GLT8D2: variants seen among roughly 807,000 people sequenced by gnomAD.
GLT8D2 encodes the protein glycosyltransferase 8 domain containing 2, also known as glycosyltransferase 8 domain-containing protein 2.
GLT8D2 carries 45 observed loss-of-function variants against 44.5 expected under a neutral mutation model. The observed-to-expected ratio is 1.01, with a 90% CI of 0.80 to 1.30. The LOEUF is 1.30. Among genes scored for constraint, GLT8D2 ranks in the 50% most tolerant of loss-of-function variants. The pLI is 0.00. For missense variants in GLT8D2, 400 were observed against 430.4 expected (o/e 0.93, Z 0.62); for synonymous variants, 156 against 157.2 (o/e 0.99, Z 0.06).
chr12:104,026,896 C>T (rs145544100), intron 1 of GLT8D2, among the ~76,000 whole-genome samples: 23 of 152,274 alleles, frequency 1.5e-4, no homozygotes, highest in South Asian at 4.1e-4. Context: ...TGACATTTGA[C>T]GGGAGGCTGC....
chr12:104,022,486 G>A (rs944531269), intron 1 of GLT8D2, among the ~76,000 whole-genome samples: 1 of 152,086 alleles, frequency 6.6e-6, no homozygotes, highest in African/African-American at 2.4e-5. Context: ...TCTCTGTGTT[G>A]AAGATTACAG....
chr12:104,035,712 C>T lies in GLT8D2; in HGVS notation c.-164+14183G>A, dbSNP rs945389198. ...ATTTGATTGGTGTACCTGAAAGTGA[C>T]GGGGAGAATAGAATCAAGTTGGAAA... On this transcript the variant is annotated intron_variant, in intron 1 of 10. Coordinates refer to ENST00000360814, the MANE Select transcript of GLT8D2 (RefSeq NM_001384711.1). 4.6e-4 allele frequency among the ~76,000 whole-genome samples: 70 copies of T among 152,212 alleles called. 3 individuals are homozygous for T. Among genetic ancestry groups the T allele is most frequent in the Non-Finnish European group, 8.8e-5 (6 of 68,020 alleles).
At chr12:104,030,385 T>A (rs1879102518) in intron 1 of GLT8D2, among the ~76,000 whole-genome samples, 1 of 151,838 alleles carries the variant, frequency 6.6e-6, no homozygotes, top group Admixed American at 6.6e-5. Flanking sequence ...TTTTTATTAT[T>A]TATTAATTTA....
At position 103,996,753 on chromosome 12, in the gene GLT8D2, G is replaced by GT; in HGVS notation, c.581dup (p.Asn194LysfsTer68). On this transcript the variant is annotated frameshift_variant, in exon 8 of 11. Transcript: ENST00000360814. LOFTEE classifies it high-confidence loss of function. ...TGCCCACCTGAAGTCCCACGAGTCTGTTTATGTCCTGAGCAGAGGGCAAAT... is the reference window on the plus strand; with the variant it reads ...TGCCCACCTGAAGTCCCACGAGTCTGTTTTATGTCCTGAGCAGAGGGCAAAT... 1.9e-6 allele frequency: 3 copies of GT among 1,613,696 alleles called. No homozygotes were observed. The highest frequency in any genetic ancestry group is 2.2e-5 in the South Asian group (2 of 91,056).
intron 1 of GLT8D2, among the ~76,000 whole-genome samples, chr12:104,062,905 A>G (rs1205509709): frequency 6.6e-6 from 1 of 152,186 alleles, no homozygotes; most frequent in Non-Finnish European, 1.5e-5. Flanking sequence ...CGGAACCCCC[A>G]TGACCTTCCT....
At chr12:104,062,291 T>C (rs1432278751) in intron 1 of GLT8D2, among the ~76,000 whole-genome samples, 1 of 152,122 alleles carries the variant, frequency 6.6e-6, no homozygotes, top group East Asian at 1.9e-4. Context: ...CAGGCTGGTC[T>C]CGAACTCCTG....
At position 103,989,582 on chromosome 12, in the gene GLT8D2, A is replaced by G. The variant is rs750464748; in HGVS notation, c.881-5T>C. 8 of 1,607,446 alleles carry G rather than the reference A, an allele frequency of 5.0e-6. No individual in the cohort carries two copies. Among genetic ancestry groups the G allele is most frequent in the Non-Finnish European group, 6.8e-6 (8 of 1,177,062 alleles). The stretch of plus-strand genomic sequence containing the variant: ...ATCTGGCATCTGGATTCCAGCCTTC[A>G]TTGTGTATAGAGAAAAAATAATAGG... On this transcript the variant is annotated splice_region_variant and splice_polypyrimidine_tract_variant and intron_variant, in intron 10 of 10. Transcript: ENST00000360814.
At chr12:104,005,971 T>C (rs1874946950) in intron 4 of GLT8D2, among the ~76,000 whole-genome samples, 1 of 152,086 alleles carries the variant, frequency 6.6e-6, no homozygotes, top group Admixed American at 6.5e-5. Flanking sequence ...TAGCAAAGAC[T>C]TGGAACCAAC....
chr12:104,062,742 T>C (rs147330516), intron 1 of GLT8D2, among the ~76,000 whole-genome samples: 301 of 152,318 alleles, frequency 2.0e-3, no homozygotes, highest in African/African-American at 6.9e-3. Context: ...CCAAAAGTGC[T>C]GGGATTACAG....
chr12:104,005,288 A>C (rs1258379893), intron 4 of GLT8D2, among the ~76,000 whole-genome samples: 1 of 152,192 alleles, frequency 6.6e-6, no homozygotes, highest in Non-Finnish European at 1.5e-5. Flanking sequence ...CCTAGAAGAA[A>C]ACCTAGGCAA....
upstream of GLT8D2, among the ~76,000 whole-genome samples, chr12:104,052,604 C>T (rs1438462298): frequency 6.6e-6 from 1 of 152,134 alleles, no homozygotes; most frequent in Non-Finnish European, 1.5e-5. Context: ...ATCAAATTTG[C>T]TGCCTGTGTA....
At chr12:103,997,556 A>G in intron 6 of GLT8D2, 21 bp from the exon 7 acceptor site, 1 of 1,573,152 alleles carries the variant, frequency 6.4e-7, no homozygotes, top group Non-Finnish European at 8.8e-7. Context: ...GACAAAAGAA[A>G]TGATGGTGGG....
upstream of GLT8D2, among the ~76,000 whole-genome samples, chr12:104,052,055 T>C (rs1241831908): frequency 6.6e-6 from 1 of 152,212 alleles, no homozygotes; most frequent in Non-Finnish European, 1.5e-5. Context: ...TCCAGGTTGG[T>C]CCAAATGTAC....
At chr12:104,035,213 A>T (rs1054691846) in intron 1 of GLT8D2, among the ~76,000 whole-genome samples, 1 of 152,240 alleles carries the variant, frequency 6.6e-6, no homozygotes. Context: ...ATGGGGAGAA[A>T]CCAGAGCAGA....
At chr12:104,021,921 GAAGAAGAAGAAGAAGAAGAAGAAGAAGAA>G (rs1566202319) in intron 1 of GLT8D2, among the ~76,000 whole-genome samples, 394 of 28,884 alleles carry the variant, frequency 0.014, 13 homozygotes, top group South Asian at 0.045. Context: ...AGAAGAAGAA[GAAGAAGAAGAAGAAGAAGAAGAAGAAGAA>G]GAAGAGGAAG....
At position 104,016,776 on chromosome 12, in the gene GLT8D2, AAGG is replaced by A. The variant is rs199748303; in HGVS notation, c.20-1674_20-1672del. On this transcript the variant is annotated intron_variant, in intron 3 of 10. Transcript: ENST00000360814. ...GAAAGAAAGAAAGAAAGAAAGAAAG[AAGG>A]AAGGAAGGAAGGAAGGAAGGAAGGA... Among the ~76,000 whole-genome samples the A allele has an allele frequency of 4.4e-3, 344 of 77,836 alleles. 8 individuals carry two copies. The highest frequency in any genetic ancestry group is 0.021 in the East Asian group (58 of 2,724). 51.1% of individuals were successfully genotyped at this position (77,836 alleles called of 152,430 possible).
At chr12:103,996,918 T>A in intron 7 of GLT8D2, 71 bp from the exon 8 acceptor site, 1 of 971,004 alleles carries the variant, frequency 1.0e-6, no homozygotes, top group Non-Finnish European at 1.6e-6. Context: ...CCTTAGAGCT[T>A]AAACAGCTCT....
rs370834193 is a variant in GLT8D2, at chr12:103,998,150, AT to A, written c.403-616del. ...AGACAGAGGGCTCAGAATTAAGTAA[AT>A]TTTCAGGGATGAATTTAAGTAACAA... is the stretch of plus-strand genomic sequence containing the variant. On this transcript the variant is annotated intron_variant, in intron 6 of 10. Coordinates refer to ENST00000360814, the MANE Select transcript of GLT8D2 (RefSeq NM_001384711.1). Among the ~76,000 whole-genome samples the A allele has an allele frequency of 9.1e-4, 138 of 152,170 alleles. 1 individual carries two copies. The highest frequency in any genetic ancestry group is 3.3e-3 in the African/African-American group (135 of 41,522).
At chr12:104,007,770 C>T (rs907004056) in intron 4 of GLT8D2, among the ~76,000 whole-genome samples, 2 of 152,150 alleles carry the variant, frequency 1.3e-5, no homozygotes, top group South Asian at 2.1e-4. Context: ...ATTATACTCC[C>T]ATAATTCCCA....
Sources: gnomAD v4.1 joint callset for allele counts (sites outside exome capture counted in the v4.1 genomes callset) on GRCh38, gnomAD v4.1.1 for gene constraint, MANE v1.5 for transcripts, NCBI Gene and HGNC (gene_info 2026-07-23, HGNC 2026-07-21) for gene names.